Variants in SAFB observed in about 807,000 individuals in gnomAD.
The protein encoded by SAFB is scaffold attachment factor B, also known as scaffold attachment factor B1.
SAFB carries 15 observed loss-of-function variants against 101.6 expected under a neutral mutation model. That is an observed-to-expected ratio of 0.15 (90% CI 0.10 to 0.23). The LOEUF (loss-of-function observed/expected upper bound fraction) is 0.23, where lower values mean the gene tolerates loss of function less well. SAFB is among the 10% of genes least tolerant of loss of function. The pLI, the probability that SAFB is intolerant of heterozygous loss-of-function variation, is 1.00. For missense variants in SAFB, 930 were observed against 1,104.1 expected, an observed-to-expected ratio of 0.84 and a Z score of 2.23; for synonymous variants, 449 against 407.5, an observed-to-expected ratio of 1.10 and a Z score of -1.23.
intron 14 of SAFB, 57 bp downstream of exon 14, chr19:5,657,404 C>T (rs2145473634): frequency 1.7e-6 from 2 of 1,203,496 alleles, no homozygotes; most frequent in African/African-American, 1.5e-5. Flanking sequence ...TCATGACTGT[C>T]TTCTGGAAGG....
At chr19:5,645,588 A>C (rs913451070) in intron 5 of SAFB, among the ~76,000 whole-genome samples, 189 bp downstream of exon 5, 3 of 152,224 alleles carry the variant, frequency 2.0e-5, no homozygotes, top group Non-Finnish European at 4.4e-5. Flanking sequence ...CCAGGGACTT[A>C]ACTCTAGGCT....
chr19:5,640,765 A>G (rs748080076), intron 2 of SAFB, among the ~76,000 whole-genome samples: 3 of 151,406 alleles, frequency 2.0e-5, no homozygotes, highest in Non-Finnish European at 4.4e-5. Context: ...AGTTTTTTGT[A>G]TTTTTAGTTG....
intron 12 of SAFB, 22 bp from the exon 13 acceptor site, chr19:5,654,346 A>G (rs2145463016): frequency 1.2e-6 from 2 of 1,603,556 alleles, no homozygotes; most frequent in South Asian, 1.1e-5. Flanking sequence ...TTCCACTTAC[A>G]CTTTCCCCGT....
Position 5,653,280 on chromosome 19 carries a change from C to T in SAFB, c.1443+16C>T. 1 of 1,614,160 alleles carries T rather than the reference C, an allele frequency of 6.2e-7. No individual in the cohort carries two copies. The highest frequency in any genetic ancestry group is 8.5e-7 in the Non-Finnish European group (1 of 1,180,020). ...CGTGGAGAAAGTGAGTGGCCGTTTT[C>T]TTCCCAGGATATAGCCCACATTAGG... On this transcript the variant is annotated intron_variant, in intron 10 of 20. Coordinates refer to ENST00000588852, the MANE Select transcript of SAFB (RefSeq NM_001201338.2).
intron 14 of SAFB, among the ~76,000 whole-genome samples, chr19:5,660,677 G>A (rs1284629704): frequency 2.6e-4 from 33 of 125,696 alleles, no homozygotes; most frequent in Admixed American, 3.9e-4. Context: ...TCAGGAGTTC[G>A]AGAACAGCCT....
In SAFB at chr19:5,667,745, G is replaced by A; in HGVS notation, c.2558-75G>A. The A allele has an allele frequency of 4.8e-6, 7 of 1,465,744 alleles. No individual in the cohort carries two copies. The highest frequency in any genetic ancestry group is 6.7e-6 in the Non-Finnish European group (7 of 1,050,458). 90.8% of individuals were successfully genotyped at this position (1,465,744 alleles called of 1,614,324 possible). Reference sequence around the variant, plus strand: ...ACCTGGGGGCCTCACCAAAGGGAGTGGAGTGGGCTAAATGTGCCGTGGGTT... The same window carrying A: ...ACCTGGGGGCCTCACCAAAGGGAGTAGAGTGGGCTAAATGTGCCGTGGGTT... On this transcript the variant is annotated intron_variant, in intron 19 of 20. Transcript: ENST00000588852. This position sits in a 1 kb window ranked among gnomAD's most constrained non-coding sequence, Gnocchi z 4.0.
Position 5,667,758 on chromosome 19 carries a change from T to TGTGCCGTGGGTTCC in SAFB, c.2558-61_2558-48dup. The TGTGCCGTGGGTTCC allele has an allele frequency of 6.4e-7, 1 of 1,553,746 alleles. No homozygotes were observed. Among genetic ancestry groups the TGTGCCGTGGGTTCC allele is most frequent in the Non-Finnish European group, 8.9e-7 (1 of 1,127,260 alleles). On this transcript the variant is annotated intron_variant, in intron 19 of 20. Transcript: ENST00000588852. The surrounding 1 kb of genome is among the most constrained non-coding windows in gnomAD (Gnocchi z 4.0). ...ACCAAAGGGAGTGGAGTGGGCTAAATGTGCCGTGGGTTCCACGCCGTGTGC... is the reference window on the plus strand; with the variant it reads ...ACCAAAGGGAGTGGAGTGGGCTAAATGTGCCGTGGGTTCCGTGCCGTGGGTTCCACGCCGTGTGC...
At chr19:5,641,445 A>G in intron 2 of SAFB, 149 bp from the exon 3 acceptor site, 2 of 659,590 alleles carry the variant, frequency 3.0e-6, no homozygotes, top group Non-Finnish European at 5.5e-6. Context: ...CTTGTGCGGA[A>G]TGGCCTCATT....
chr19:5,626,156 G>A (rs893749980), intron 1 of SAFB, among the ~76,000 whole-genome samples: 3 of 152,152 alleles, frequency 2.0e-5, no homozygotes, highest in Admixed American at 6.5e-5. Flanking sequence ...GCATGTTCCA[G>A]AGGAAGAAGC....
At position 5,664,023 on chromosome 19, in the gene SAFB, C is replaced by G. The variant is rs777318386; in HGVS notation, c.2155C>G (p.Arg719Gly). The change falls in exon 16 of 21, where the codon CGA becomes GGA. Residue 719 changes from arginine to glycine, a missense_variant and splice_region_variant. Arg to Gly is a moderately radical substitution (Grantham distance 125, BLOSUM62 -2). Transcript: ENST00000588852. ...TCTCTGTCTCATGTCCCCTCACAGG[C>G]GAGATGATGCCTATTGGCCGGAAGC... ...AVRRPYDLDRRDDAYWPEAKR... is the reference protein window; with the variant it reads ...AVRRPYDLDRGDDAYWPEAKR... The G allele has an allele frequency of 6.2e-7, 1 of 1,613,506 alleles. No individual in the cohort carries two copies. Among genetic ancestry groups the G allele is most frequent in the East Asian group, 2.2e-5 (1 of 44,880 alleles).
chr19:5,625,550 G>A (rs760557492), intron 1 of SAFB, among the ~76,000 whole-genome samples: 8 of 152,176 alleles, frequency 5.3e-5, no homozygotes, highest in Non-Finnish European at 1.0e-4. Flanking sequence ...AACAAAACTT[G>A]TGCTCATGGG....
At chr19:5,661,404 A>T in intron 14 of SAFB, 114 bp from the exon 15 acceptor site, 3 of 1,528,230 alleles carry the variant, frequency 2.0e-6, no homozygotes, top group Non-Finnish European at 2.6e-6. Flanking sequence ...TCTGCAGACC[A>T]CGTAGTGGAC....
chr19:5,661,201 G>A (rs993001329), intron 14 of SAFB, among the ~76,000 whole-genome samples: 1 of 152,084 alleles, frequency 6.6e-6, no homozygotes, highest in African/African-American at 2.4e-5. Flanking sequence ...CATTACAGAT[G>A]TGAGCCACCG....
intron 2 of SAFB, among the ~76,000 whole-genome samples, chr19:5,637,105 G>A (rs2053610376): frequency 7.0e-6 from 1 of 143,680 alleles, no homozygotes; most frequent in Admixed American, 6.8e-5. Context: ...AGCACTTCGG[G>A]AGGCCGAGGC....
In SAFB at chr19:5,667,318, A is replaced by T. The variant is rs1468166224; in HGVS notation, c.2454-29A>T. 3 of 1,446,562 alleles carry T rather than the reference A, an allele frequency of 2.1e-6. No homozygotes were observed. The highest frequency in any genetic ancestry group is 2.8e-6 in the Non-Finnish European group (3 of 1,087,306). The allele number at this position is 1,446,562 out of a possible 1,614,324, so 89.6% of individuals were successfully genotyped here. The stretch of plus-strand genomic sequence containing the variant: ...AGCACAAGAGCCAGAGATGGGGGCA[A>T]TCCAAATCAGAGATGTCTCTCTTTC... On this transcript the variant is annotated intron_variant, in intron 18 of 20. Coordinates refer to ENST00000588852, the MANE Select transcript of SAFB (RefSeq NM_001201338.2). This position sits in a 1 kb window ranked among gnomAD's most constrained non-coding sequence, Gnocchi z 4.0.
chr19:5,653,413 A>C lies in SAFB; in HGVS notation c.1519A>C (p.Ser507Arg), dbSNP rs760294525. Reference protein sequence around the residue: ...SDGKKEKSSNSDRSTNLKRDD... With the variant: ...SDGKKEKSSNRDRSTNLKRDD... ...CGGGAAAAAGGAGAAGTCGAGCAAC[A>C]GTGACAGGTACCCCTCCTTCCTGGC... The change falls in exon 11 of 21, where the codon AGT becomes CGT. Residue 507 changes from serine (S) to arginine (R), a missense_variant. Ser to Arg is a moderately radical substitution (Grantham distance 110). This residue lies in a region of SAFB where 92 missense variants were observed against 83.8 expected (regional missense o/e 1.10). Coordinates refer to ENST00000588852, the MANE Select transcript of SAFB (RefSeq NM_001201338.2). The C allele has an allele frequency of 1.2e-6, 2 of 1,613,954 alleles. No individual in the cohort carries two copies. The highest frequency in any genetic ancestry group is 1.7e-6 in the Non-Finnish European group (2 of 1,179,866).
chr19:5,653,069 T>A, intron 9 of SAFB, 46 bp from the exon 10 acceptor site: 1 of 1,609,106 alleles, frequency 6.2e-7, no homozygotes, highest in Non-Finnish European at 8.5e-7. Flanking sequence ...CATGCCCCGC[T>A]CAGTGGGCTT....
At chr19:5,657,169 TGCTTG>T (rs1317435736) in intron 13 of SAFB, 67 bp from the exon 14 acceptor site, 2 of 1,102,302 alleles carry the variant, frequency 1.8e-6, no homozygotes, top group Non-Finnish European at 2.7e-6. Flanking sequence ...ACTTTGAAAG[TGCTTG>T]GATTACAGGC....
chr19:5,641,565 T>C (rs1481262516), intron 2 of SAFB, 29 bp from the exon 3 acceptor site: 1 of 1,594,920 alleles, frequency 6.3e-7, no homozygotes, highest in South Asian at 1.1e-5. Context: ...TATCATTTGA[T>C]CTCATGCTGT....
Sources: allele counts gnomAD v4.1 joint callset (sites outside exome capture counted in the v4.1 genomes callset), GRCh38; gene constraint gnomAD v4.1.1; regional missense constraint gnomAD v4.1.1; non-coding constraint Gnocchi (gnomAD v3.1); transcripts MANE v1.5; gene names NCBI Gene and HGNC (gene_info 2026-07-23, HGNC 2026-07-21).